The following CNTNAP4 variants were observed in gnomAD, a reference collection of about 807,000 sequenced individuals.
The protein encoded by CNTNAP4 is contactin associated protein family member 4, also known as contactin-associated protein-like 4.
In CNTNAP4, 98 loss-of-function variants were observed where a neutral mutation model predicts 148.4. That is an observed-to-expected ratio of 0.66 (90% CI 0.56 to 0.78). The LOEUF is 0.78. Ranked by LOEUF, CNTNAP4 falls within the 30% of genes least tolerant of loss-of-function variation. CNTNAP4 has a pLI of 0.00. For missense variants in CNTNAP4, 1,935 were observed against 1,565.6 expected (o/e 1.24, Z -3.98); for synonymous variants, 730 against 565.1 (o/e 1.29, Z -4.14).
Position 76,486,155 on chromosome 16 carries a change from A to T in CNTNAP4, c.1883-3531A>T, listed in dbSNP as rs560598441. Among the ~76,000 whole-genome samples, 3 of 152,264 alleles carry T rather than the reference A, an allele frequency of 2.0e-5. No individual in the cohort carries two copies. In the East Asian group the frequency reaches 5.8e-4, roughly 29 times the overall value. On this transcript the variant is annotated intron_variant, in intron 12 of 23. Transcript: ENST00000611870. ...CGTGAGTAGACCCAAACTACCATTC[A>T]ATGGAGATTTTCTGCCTATTTCAGC...
intron 15 of CNTNAP4, 48 bp downstream of exon 15, chr16:76,498,742 A>G (rs1236795169): frequency 2.0e-6 from 3 of 1,512,922 alleles, no homozygotes; most frequent in Admixed American, 4.4e-5. Flanking sequence ...AAGAACCATG[A>G]CTTAAAGTAC....
chr16:76,334,559 C>G (rs1021295310), intron 2 of CNTNAP4, among the ~76,000 whole-genome samples: 2 of 152,128 alleles, frequency 1.3e-5, no homozygotes, highest in South Asian at 2.1e-4. Flanking sequence ...AGATAAAACA[C>G]AAAATGTGCT....
intron 13 of CNTNAP4, among the ~76,000 whole-genome samples, chr16:76,494,002 C>T (rs955543499): frequency 6.6e-6 from 1 of 152,066 alleles, no homozygotes; most frequent in African/African-American, 2.4e-5. Flanking sequence ...TGGTCAAGCA[C>T]CTTTGAGAAA....
chr16:76,470,362 C>A (rs183311388), intron 10 of CNTNAP4, among the ~76,000 whole-genome samples: 7 of 151,346 alleles, frequency 4.6e-5, no homozygotes, highest in Non-Finnish European at 1.0e-4. Context: ...AACAGCCAGC[C>A]AGACACGGTG....
chr16:76,522,118 C>G lies in CNTNAP4; in HGVS notation c.2616C>G (p.Asn872Lys). The stretch of plus-strand genomic sequence containing the variant: ...CAGTGCAGTCACCCACCCACTTCAA[C>G]GACAACCAGTGGCACCATGTGAGGG... ...EISVQSPTHF[N>K]DNQWHHVRVE... The change falls in exon 17 of 24, where the codon AAC becomes AAG. Residue 872 changes from asparagine to lysine, a missense_variant. By Grantham distance (94) the Asn-to-Lys change is moderately conservative. Coordinates refer to ENST00000611870, the MANE Select transcript of CNTNAP4 (RefSeq NM_033401.5). 1 of 1,613,944 alleles carries G rather than the reference C, an allele frequency of 6.2e-7. No individual in the cohort carries two copies. The highest frequency in any genetic ancestry group is 8.5e-7 in the Non-Finnish European group (1 of 1,179,874).
chr16:76,461,901 A>G (rs568649698), intron 8 of CNTNAP4, 55 bp from the exon 9 acceptor site: 32 of 1,528,938 alleles, frequency 2.1e-5, no homozygotes, highest in Middle Eastern at 3.5e-4. Context: ...TTTCTAACCA[A>G]CTCCTTATAG....
At chr16:76,505,518 G>T (rs2082810735) in intron 15 of CNTNAP4, among the ~76,000 whole-genome samples, 1 of 97,154 alleles carries the variant, frequency 1.0e-5, no homozygotes, top group African/African-American at 2.6e-5. Context: ...TTTGTCAGGT[G>T]AACAAAATGT....
chr16:76,333,779 G>GTTTTTTTTTTTTTTTTTTT (rs549878036), intron 2 of CNTNAP4, among the ~76,000 whole-genome samples: 1 of 45,606 alleles, frequency 2.2e-5, no homozygotes, highest in Non-Finnish European at 4.3e-5. Context: ...TGGGTTATAG[G>GTTTTTTTTTTTTTTTTTTT]TTTTTTTTTT....
At chr16:76,452,226 C>T (rs1025321402) in intron 7 of CNTNAP4, among the ~76,000 whole-genome samples, 1 of 152,078 alleles carries the variant, frequency 6.6e-6, no homozygotes, top group African/African-American at 2.4e-5. Context: ...CAAATGTTTT[C>T]GTTTGACCAA....
At chr16:76,550,715 C>T (rs2084922260) in intron 21 of CNTNAP4, among the ~76,000 whole-genome samples, 1 of 150,148 alleles carries the variant, frequency 6.7e-6, no homozygotes, top group South Asian at 2.1e-4. Flanking sequence ...CGGTCTTTTT[C>T]ATGTATATAT....
intron 14 of CNTNAP4, among the ~76,000 whole-genome samples, chr16:76,495,756 G>A (rs945500697): frequency 3.3e-5 from 5 of 151,940 alleles, no homozygotes; most frequent in African/African-American, 9.7e-5. Flanking sequence ...TCAGCATAAC[G>A]TATATGTTAC....
At chr16:76,278,436 A>G (rs767544364) in intron 1 of CNTNAP4, among the ~76,000 whole-genome samples, 1 of 152,218 alleles carries the variant, frequency 6.6e-6, no homozygotes, top group Non-Finnish European at 1.5e-5. Flanking sequence ...AACTGCATAA[A>G]TTTGTAATTG....
chr16:76,534,734 G>A (rs2084141503), intron 17 of CNTNAP4, among the ~76,000 whole-genome samples: 1 of 152,116 alleles, frequency 6.6e-6, no homozygotes, highest in Non-Finnish European at 1.5e-5. Flanking sequence ...AAGCTACCGA[G>A]TCTATTTATT....
intron 15 of CNTNAP4, among the ~76,000 whole-genome samples, chr16:76,518,922 A>T (rs1196798611): frequency 6.6e-6 from 1 of 151,962 alleles, no homozygotes; most frequent in Non-Finnish European, 1.5e-5. Flanking sequence ...ATTTTAAACC[A>T]CCTAATCCAT....
chr16:76,425,983 G>T (rs989334838), intron 3 of CNTNAP4, among the ~76,000 whole-genome samples: 1 of 152,170 alleles, frequency 6.6e-6, no homozygotes, highest in African/African-American at 2.4e-5. Flanking sequence ...GGAAGAGGCT[G>T]TCAGGGAAGT....
intron 15 of CNTNAP4, among the ~76,000 whole-genome samples, chr16:76,505,832 C>T (rs1245344811): frequency 1.0e-5 from 1 of 95,966 alleles, no homozygotes; most frequent in Non-Finnish European, 3.0e-5. Flanking sequence ...ACTGGGAGCT[C>T]GAGGCTGCAG....
chr16:76,433,743 T>C (rs1379759067), intron 4 of CNTNAP4, among the ~76,000 whole-genome samples: 1 of 152,076 alleles, frequency 6.6e-6, no homozygotes, highest in African/African-American at 2.4e-5. Context: ...ATAGTTATAA[T>C]TGAGTTCAAT....
At chr16:76,341,647 A>G (rs564299328) in intron 2 of CNTNAP4, among the ~76,000 whole-genome samples, 6 of 152,316 alleles carry the variant, frequency 3.9e-5, no homozygotes, top group Non-Finnish European at 7.3e-5. Context: ...TAGGGCATCC[A>G]TGAATAGATA....
intron 3 of CNTNAP4, among the ~76,000 whole-genome samples, chr16:76,362,041 G>A (rs2013501710): frequency 6.6e-6 from 1 of 151,940 alleles, no homozygotes; most frequent in South Asian, 2.1e-4. Flanking sequence ...TTATGCTATT[G>A]AGTTGGGGAA....
Sources: gnomAD v4.1 joint callset for allele counts (sites outside exome capture counted in the v4.1 genomes callset) on GRCh38, gnomAD v4.1.1 for gene constraint, MANE v1.5 for transcripts, NCBI Gene and HGNC (gene_info 2026-07-23, HGNC 2026-07-21) for gene names.